FUT8: variants seen among roughly 807,000 people sequenced by gnomAD.
FUT8 encodes fucosyltransferase 8.
A neutral mutation model predicts 71.3 loss-of-function variants in FUT8; 29 were observed. That is an observed-to-expected ratio of 0.41 (90% CI 0.30 to 0.55). The LOEUF is 0.55. Ranked by LOEUF, FUT8 falls within the 20% of genes least tolerant of loss-of-function variation. FUT8 has a pLI of 0.34. For synonymous variants in FUT8, 254 were observed against 239.3 expected (o/e 1.06, Z -0.57); for missense variants, 544 against 702.1 (o/e 0.77, Z 2.55).
intron 7 of FUT8, among the ~76,000 whole-genome samples, chr14:65,710,759 A>AT (rs1555386448): frequency 6.6e-6 from 1 of 152,194 alleles, no homozygotes; most frequent in Non-Finnish European, 1.5e-5. Flanking sequence ...TTGCATTGCT[A>AT]TAAAGTAATA....
At chr14:65,582,506 C>T (rs899934397) in intron 3 of FUT8, among the ~76,000 whole-genome samples, 2 of 152,220 alleles carry the variant, frequency 1.3e-5, no homozygotes, top group East Asian at 3.9e-4. Flanking sequence ...AGCCCCATCC[C>T]CAGCTGTCCT....
intron 6 of FUT8, among the ~76,000 whole-genome samples, chr14:65,639,326 T>C (rs1178437525): frequency 1.3e-5 from 2 of 152,184 alleles, no homozygotes. Flanking sequence ...GAGCTCTTGC[T>C]TGTGGGAGCG....
the FUT8 span, among the ~76,000 whole-genome samples, chr14:65,367,201 A>T: frequency 6.6e-6 from 1 of 152,146 alleles, no homozygotes; most frequent in Non-Finnish European, 1.5e-5. Flanking sequence ...ATCCTGGACC[A>T]TTTTGCCTTG....
chr14:65,544,687 T>G (rs1884881938), intron 2 of FUT8, among the ~76,000 whole-genome samples: 1 of 150,352 alleles, frequency 6.7e-6, no homozygotes, highest in African/African-American at 2.4e-5. Context: ...TAAATGTGAT[T>G]ATGTGTTTGT....
chr14:65,361,133 G>A, the FUT8 span, among the ~76,000 whole-genome samples: 350 of 151,940 alleles, frequency 2.3e-3, 6 homozygotes, highest in Admixed American at 0.02. Context: ...CGAGGCAGGC[G>A]GATCATGAGG....
the FUT8 span, among the ~76,000 whole-genome samples, chr14:65,403,738 AT>A: frequency 0.019 from 2,708 of 143,134 alleles, 31 homozygotes; most frequent in East Asian, 0.037. Context: ...ATAGTGGTTA[AT>A]TTTTTTTTTT....
the FUT8 span, among the ~76,000 whole-genome samples, chr14:65,359,646 T>C: frequency 1.3e-5 from 2 of 152,256 alleles, no homozygotes; most frequent in Non-Finnish European, 2.9e-5. Context: ...ATCCATGTTA[T>C]ACTGTGGTCA....
chr14:65,360,818 A>G, the FUT8 span, among the ~76,000 whole-genome samples: 2 of 152,156 alleles, frequency 1.3e-5, no homozygotes, highest in African/African-American at 2.4e-5. Context: ...AGGTGTGGAA[A>G]TGGGGAAGCA....
At chr14:65,389,723 G>A in the FUT8 span, among the ~76,000 whole-genome samples, 1 of 151,764 alleles carries the variant, frequency 6.6e-6, no homozygotes, top group Non-Finnish European at 1.5e-5. Flanking sequence ...CCAAAGTGCC[G>A]GGATTACAGG....
At position 65,705,647 on chromosome 14, in the gene FUT8, A is replaced by G. The variant is rs1594919826; in HGVS notation, c.836-16128A>G. Among the ~76,000 whole-genome samples, 5 of 152,364 alleles carry G rather than the reference A, an allele frequency of 3.3e-5. No individual in the cohort carries two copies. The South Asian group carries it at 1.0e-3, about 32-fold the overall frequency. On this transcript the variant is annotated intron_variant, in intron 7 of 10. Transcript: ENST00000673929. ...TAGTCTTTGTAGATATAAATTAAAC[A>G]TACAAATCCCTTGCTGTAATATGAG...
chr14:65,431,990 T>C, intron 1 of FUT8, among the ~76,000 whole-genome samples: 1 of 152,222 alleles, frequency 6.6e-6, no homozygotes, highest in Non-Finnish European at 1.5e-5. Context: ...TTGTTTCAAT[T>C]TGGTTACCTT....
At chr14:65,732,160 A>G (rs1002661086) in intron 9 of FUT8, among the ~76,000 whole-genome samples, 1 of 152,202 alleles carries the variant, frequency 6.6e-6, no homozygotes, top group Non-Finnish European at 1.5e-5. Context: ...ATGAGGCCAG[A>G]TGGATTTGAA....
Position 65,603,699 on chromosome 14 carries a change from C to G in FUT8, c.204-12279C>G, listed in dbSNP as rs7140341. Reference sequence around the variant, plus strand: ...ATCTTTTCAAAAGAACAAAAATACACTAAAAAAAAATCCAAGGTATACAGG... The same window carrying G: ...ATCTTTTCAAAAGAACAAAAATACAGTAAAAAAAAATCCAAGGTATACAGG... On this transcript the variant is annotated intron_variant, in intron 3 of 10. Transcript: ENST00000673929. The surrounding 1 kb of genome is among the most constrained non-coding windows in gnomAD (Gnocchi z 4.5). 0.69 allele frequency among the ~76,000 whole-genome samples: 104,145 copies of G among 151,134 alleles called. 36,480 individuals carry two copies. The highest frequency in any genetic ancestry group is 0.89 in the East Asian group (4,583 of 5,168).
intron 2 of FUT8, among the ~76,000 whole-genome samples, chr14:65,559,891 A>G (rs1268576664): frequency 1.3e-5 from 2 of 152,290 alleles, no homozygotes; most frequent in Admixed American, 1.3e-4. Flanking sequence ...AGTTATTAAA[A>G]CAACAGACAA....
intron 1 of FUT8, among the ~76,000 whole-genome samples, chr14:65,424,623 C>T (rs1037257614): frequency 1.3e-5 from 2 of 150,452 alleles, no homozygotes; most frequent in African/African-American, 4.9e-5. Context: ...CTGCAACGTC[C>T]ACCTCTGGTG....
the FUT8 span, among the ~76,000 whole-genome samples, chr14:65,393,308 G>T: frequency 2.0e-5 from 3 of 152,178 alleles, no homozygotes; most frequent in African/African-American, 4.8e-5. Flanking sequence ...AAAGGGAAGG[G>T]TGGCCCAAGA....
chr14:65,464,715 G>A (rs1055647075), intron 2 of FUT8, among the ~76,000 whole-genome samples: 7 of 152,034 alleles, frequency 4.6e-5, no homozygotes, highest in South Asian at 2.1e-4. Context: ...CTACTTGGTC[G>A]TGGTGTATAA....
intron 1 of FUT8, among the ~76,000 whole-genome samples, chr14:65,450,922 G>A (rs1450694063): frequency 2.0e-5 from 3 of 151,006 alleles, no homozygotes; most frequent in African/African-American, 7.3e-5. Context: ...CTAGAGTGCA[G>A]TGGCGCTCAC....
Position 65,709,886 on chromosome 14 carries a change from A to G in FUT8, c.836-11889A>G, listed in dbSNP as rs143973278. ...AGGCTTTGGTTGACAAACTTTGCTT[A>G]GGACAGGATGGCAACTGTGAGAAAG... On this transcript the variant is annotated intron_variant, in intron 7 of 10. Coordinates refer to ENST00000673929, the MANE Select transcript of FUT8 (RefSeq NM_001371533.1). Among the ~76,000 whole-genome samples the G allele has an allele frequency of 5.7e-3, 869 of 152,324 alleles. 9 individuals carry two copies. Among genetic ancestry groups the G allele is most frequent in the African/African-American group, 0.02 (828 of 41,578 alleles).
Sources: gnomAD v4.1 joint callset for allele counts (sites outside exome capture counted in the v4.1 genomes callset) on GRCh38, gnomAD v4.1.1 for gene constraint, Gnocchi (gnomAD v3.1) non-coding constraint, MANE v1.5 for transcripts, NCBI Gene and HGNC (gene_info 2026-07-23, HGNC 2026-07-21) for gene names.